The following LRRC4C variants were observed in gnomAD, a reference collection of about 807,000 sequenced individuals.
LRRC4C encodes leucine rich repeat containing 4C, also known as leucine-rich repeat-containing protein 4C.
LRRC4C carries 5 observed loss-of-function variants against 33.6 expected under a neutral mutation model. The ratio of observed to expected loss-of-function variants is 0.15; its 90% CI spans 0.08 to 0.31. The LOEUF (loss-of-function observed/expected upper bound fraction) is 0.31, where lower values mean the gene tolerates loss of function less well. Among genes scored for constraint, LRRC4C ranks in the 10% least tolerant of loss-of-function variants. LRRC4C has a pLI of 1.00. For missense variants in LRRC4C, 560 were observed against 796.7 expected, an observed-to-expected ratio of 0.70 and a Z score of 3.58; for synonymous variants, 329 against 302.0, an observed-to-expected ratio of 1.09 and a Z score of -0.93.
At chr11:41,403,356 A>G (rs1954096750) in intron 1 of LRRC4C, among the ~76,000 whole-genome samples, 1 of 152,160 alleles carries the variant, frequency 6.6e-6, no homozygotes, top group Admixed American at 6.6e-5. Flanking sequence ...AGGTAGAAAC[A>G]GAAAAACCAG....
At chr11:40,122,970 C>G (rs1387200305) in intron 6 of LRRC4C, among the ~76,000 whole-genome samples, 10 of 139,950 alleles carry the variant, frequency 7.1e-5, no homozygotes, top group Admixed American at 1.5e-4. Context: ...CACACACACA[C>G]ACACACACAC....
intron 3 of LRRC4C, among the ~76,000 whole-genome samples, chr11:40,595,802 C>G (rs970474455): frequency 6.6e-6 from 1 of 152,038 alleles, no homozygotes; most frequent in Non-Finnish European, 1.5e-5. Context: ...AACTCAATTT[C>G]TTAGAAACAT....
At chr11:41,442,566 T>A (rs891503059) in intron 1 of LRRC4C, among the ~76,000 whole-genome samples, 1 of 147,164 alleles carries the variant, frequency 6.8e-6, no homozygotes, top group Non-Finnish European at 1.5e-5. Flanking sequence ...GCCTCCTGGG[T>A]TCACGCCATT....
At chr11:40,137,355 C>CT (rs1354151356) in intron 6 of LRRC4C, among the ~76,000 whole-genome samples, 2 of 151,934 alleles carry the variant, frequency 1.3e-5, no homozygotes, top group South Asian at 2.1e-4. Flanking sequence ...TATTTTTTTG[C>CT]TTTTTCTCTT....
At chr11:41,388,690 G>A (rs1605302) in intron 1 of LRRC4C, among the ~76,000 whole-genome samples, 148,987 of 151,944 alleles carry the variant, frequency 0.98, 73,105 homozygotes, top group Middle Eastern at 1. Flanking sequence ...ATGAGAGACA[G>A]CATTAAGAAA....
intron 3 of LRRC4C, among the ~76,000 whole-genome samples, chr11:40,636,681 T>C (rs1176714559): frequency 1.3e-5 from 2 of 152,150 alleles, no homozygotes; most frequent in Non-Finnish European, 2.9e-5. Flanking sequence ...GTATATAACA[T>C]GTAACCACAG....
Position 40,114,845 on chromosome 11 carries a change from T to C in LRRC4C, c.1448A>G (p.Asp483Gly), listed in dbSNP as rs2134561209. ...DNNVGPTPVV[D>G]WETTNVTTSL... Reference sequence around the variant, plus strand: ...GGTGGTCACATTGGTGGTCTCCCAGTCGACCACTGGAGTGGGACCCACATT... The same window carrying C: ...GGTGGTCACATTGGTGGTCTCCCAGCCGACCACTGGAGTGGGACCCACATT... Residue 483 changes from aspartate to glycine, a missense_variant, in exon 7 of 7, where the codon GAC (aspartate) becomes GGC (glycine). Physicochemically the swap from Asp to Gly is moderately conservative, Grantham distance 94 (BLOSUM62 -1). This residue lies in a region of LRRC4C where 455 missense variants were observed against 643.8 expected (regional missense o/e 0.71). Coordinates refer to ENST00000528697, the MANE Select transcript of LRRC4C (RefSeq NM_001258419.2). 6.2e-7 allele frequency: 1 copy of C among 1,614,154 alleles called. No homozygotes were observed. The highest frequency in any genetic ancestry group is 8.5e-7 in the Non-Finnish European group (1 of 1,180,016).
At chr11:41,096,758 T>C (rs2135579938) in intron 1 of LRRC4C, among the ~76,000 whole-genome samples, 1 of 151,954 alleles carries the variant, frequency 6.6e-6, no homozygotes, top group East Asian at 1.9e-4. Flanking sequence ...TAGAAAGAGG[T>C]TGTAGCATCC....
chr11:40,533,821 C>G (rs1956366160), intron 3 of LRRC4C, among the ~76,000 whole-genome samples: 1 of 152,088 alleles, frequency 6.6e-6, no homozygotes, highest in African/African-American at 2.4e-5. Flanking sequence ...TAAGTGAATC[C>G]TGGTGTTTCC....
intron 1 of LRRC4C, among the ~76,000 whole-genome samples, chr11:41,090,495 G>T (rs973944164): frequency 1.4e-4 from 21 of 151,986 alleles, no homozygotes; most frequent in African/African-American, 4.8e-4. Flanking sequence ...CAATAATTAA[G>T]AAATATCACA....
intron 1 of LRRC4C, among the ~76,000 whole-genome samples, chr11:41,142,995 T>C (rs1469028830): frequency 6.6e-6 from 1 of 152,162 alleles, no homozygotes; most frequent in African/African-American, 2.4e-5. Context: ...ATACTTTATA[T>C]ATTTGTGTTA....
chr11:41,205,075 T>G (rs1946544620), intron 1 of LRRC4C, among the ~76,000 whole-genome samples: 1 of 152,126 alleles, frequency 6.6e-6, no homozygotes, highest in Admixed American at 6.5e-5. Flanking sequence ...ACAAAATCCC[T>G]GAATATATCC....
intron 2 of LRRC4C, among the ~76,000 whole-genome samples, chr11:40,766,272 C>T (rs1253462310): frequency 6.8e-6 from 1 of 146,956 alleles, no homozygotes; most frequent in African/African-American, 2.5e-5. Flanking sequence ...TGAAGACTTT[C>T]CCAGACAAAT....
chr11:40,863,563 C>T (rs1954207294), intron 2 of LRRC4C, among the ~76,000 whole-genome samples: 1 of 152,086 alleles, frequency 6.6e-6, no homozygotes, highest in African/African-American at 2.4e-5. Flanking sequence ...TTCTCAAAAA[C>T]TGAGGAAGTA....
rs4756594 is a variant in LRRC4C at position 40,466,570 on chromosome 11, T to C, written c.-269-146849A>G. On this transcript the variant is annotated intron_variant, in intron 3 of 6. Transcript: ENST00000528697. ...TGTATACTTTTTCCTTTAATTCTTA[T>C]AGGAATTTTTTTGTATTTATATTAT... 5.2e-3 allele frequency among the ~76,000 whole-genome samples: 795 copies of C among 152,008 alleles called. 4 individuals carry two copies. The highest frequency in any genetic ancestry group is 0.024 in the Middle Eastern group (7 of 294).
chr11:40,731,611 C>T (rs569138251), intron 2 of LRRC4C, among the ~76,000 whole-genome samples: 2 of 152,194 alleles, frequency 1.3e-5, no homozygotes, highest in African/African-American at 4.8e-5. Flanking sequence ...TTTCTTTACC[C>T]CTTCACCTTC....
Position 41,397,942 on chromosome 11 carries a change from A to G in LRRC4C, c.-496+61489T>C, listed in dbSNP as rs7110478. Among the ~76,000 whole-genome samples, 389 of 152,038 alleles carry G rather than the reference A, an allele frequency of 2.6e-3. 1 individual carries two copies. Among genetic ancestry groups the G allele is most frequent in the African/African-American group, 8.3e-3 (343 of 41,528 alleles). ...CAGTCTCAGTTTTCAGTTATTTATA[A>G]GGCTTAGAAATAAATCCTGATCTCA... On this transcript the variant is annotated intron_variant, in intron 1 of 6. Coordinates refer to ENST00000528697, the MANE Select transcript of LRRC4C (RefSeq NM_001258419.2).
chr11:40,241,013 G>A (rs1413055114), intron 5 of LRRC4C, among the ~76,000 whole-genome samples: 2 of 152,042 alleles, frequency 1.3e-5, no homozygotes, highest in Non-Finnish European at 2.9e-5. Context: ...ATGTCTCAAC[G>A]CTGTTGTTTA....
intron 6 of LRRC4C, 26 bp from the exon 7 acceptor site, chr11:40,116,360 A>G: frequency 6.6e-7 from 1 of 1,515,484 alleles, no homozygotes; most frequent in South Asian, 1.4e-5. Flanking sequence ...AAAAAAAACC[A>G]ATTATTAGAT....
Sources: allele counts gnomAD v4.1 joint callset (sites outside exome capture counted in the v4.1 genomes callset), GRCh38; gene constraint gnomAD v4.1.1; regional missense constraint gnomAD v4.1.1; transcripts MANE v1.5; gene names NCBI Gene and HGNC (gene_info 2026-07-23, HGNC 2026-07-21).